Variants in MGAM2 observed in about 807,000 individuals in gnomAD.
MGAM2 encodes the protein probable maltase-glucoamylase 2.
A neutral mutation model predicts 96.1 loss-of-function variants in MGAM2; 98 were observed. That is an observed-to-expected ratio of 1.02 (90% CI 0.87 to 1.21). The LOEUF is 1.21. MGAM2 is among the 50% of genes most tolerant of loss of function. The pLI is 0.00. For synonymous variants in MGAM2, 749 were observed against 414.8 expected (o/e 1.81, Z -9.79); for missense variants, 2,055 against 1,182.4 (o/e 1.74, Z -10.82).
intron 3 of MGAM2, among the ~76,000 whole-genome samples, chr7:142,124,257 C>A (rs951756223): frequency 3.3e-5 from 5 of 152,170 alleles, no homozygotes; most frequent in African/African-American, 1.2e-4. Flanking sequence ...CAGGCATGAG[C>A]CACCACACCT....
At chr7:142,136,222 A>G (rs967835187) in intron 7 of MGAM2, among the ~76,000 whole-genome samples, 2 of 152,208 alleles carry the variant, frequency 1.3e-5, no homozygotes, top group African/African-American at 2.4e-5. Context: ...TAGATATTTC[A>G]TATCAATGAA....
intron 22 of MGAM2, among the ~76,000 whole-genome samples, chr7:142,161,423 T>G (rs1795884617): frequency 6.6e-6 from 1 of 152,234 alleles, no homozygotes; most frequent in African/African-American, 2.4e-5. Flanking sequence ...TATGTGTTAC[T>G]GACTCTACCA....
chr7:142,193,423 T>A (rs1368286346), intron 37 of MGAM2, among the ~76,000 whole-genome samples: 2 of 152,060 alleles, frequency 1.3e-5, no homozygotes, highest in African/African-American at 4.8e-5. Context: ...ACTGAACCAT[T>A]TTTATTTCTT....
At chr7:142,114,220 A>AAGAG (rs1817305539) in intron 1 of MGAM2, among the ~76,000 whole-genome samples, 10 of 131,842 alleles carry the variant, frequency 7.6e-5, no homozygotes, top group Non-Finnish European at 1.7e-5. Context: ...GAAAGAGAGA[A>AAGAG]AGAAAGAAAG....
intron 37 of MGAM2, among the ~76,000 whole-genome samples, chr7:142,193,181 C>A (rs1308389402): frequency 2.6e-5 from 4 of 152,112 alleles, no homozygotes; most frequent in Non-Finnish European, 5.9e-5. Context: ...TCTCCCTTTA[C>A]CAATCACAAA....
At position 142,147,492 on chromosome 7, in the gene MGAM2, G is replaced by T; in HGVS notation, c.1553G>T (p.Cys518Phe). 1 of 702,812 alleles carries T rather than the reference G, an allele frequency of 1.4e-6. No individual in the cohort carries two copies. The highest frequency in any genetic ancestry group is 1.5e-5 in the South Asian group (1 of 67,574). 43.5% of individuals were successfully genotyped at this position (702,812 alleles called of 1,614,324 possible). A position where few individuals can be genotyped will look rare whatever the true frequency, so the allele number is the denominator to read the frequency against. Residue 518 changes from cysteine to phenylalanine, a missense_variant, in exon 15 of 48, where the codon TGC (cysteine) becomes TTC (phenylalanine). Transcript: ENST00000477922. Reference protein sequence around the residue: ...LDHLLFARTLCMDTEFHGGLH... With the variant: ...LDHLLFARTLFMDTEFHGGLH... Reference sequence around the variant, plus strand: ...CACTTACTTTTTGCAAGAACTCTCTGCATGGACACGGAGTTTCATGGGGGC... The same window carrying T: ...CACTTACTTTTTGCAAGAACTCTCTTCATGGACACGGAGTTTCATGGGGGC...
intron 7 of MGAM2, among the ~76,000 whole-genome samples, chr7:142,135,723 TAC>T (rs144830276): frequency 0.033 from 4,776 of 144,698 alleles, 93 homozygotes; most frequent in Middle Eastern, 0.089. Flanking sequence ...CACTTAGAGT[TAC>T]ACACACACAC....
At chr7:142,190,238 C>T (rs1367231730) in intron 37 of MGAM2, among the ~76,000 whole-genome samples, 2 of 142,858 alleles carry the variant, frequency 1.4e-5, no homozygotes, top group South Asian at 4.6e-4. Context: ...AAATATCAAG[C>T]TGTTTTCTAA....
intron 46 of MGAM2, among the ~76,000 whole-genome samples, chr7:142,215,774 A>C (rs1338554434): frequency 1.3e-5 from 2 of 151,934 alleles, no homozygotes; most frequent in Non-Finnish European, 2.9e-5. Flanking sequence ...AAAAAAAAAA[A>C]AAACCTCATG....
intron 21 of MGAM2, among the ~76,000 whole-genome samples, chr7:142,160,906 T>C (rs1260606114): frequency 2.0e-5 from 3 of 152,180 alleles, no homozygotes; most frequent in Non-Finnish European, 4.4e-5. Flanking sequence ...AACAGTTGCC[T>C]GTAGGAACTG....
chr7:142,221,483 C>G lies in MGAM2; in HGVS notation c.6972C>G (p.Phe2324Leu). 1 of 560,130 alleles carries G rather than the reference C, an allele frequency of 1.8e-6. No homozygotes were observed. The highest frequency in any genetic ancestry group is 3.1e-6 in the Non-Finnish European group (1 of 318,016). 34.7% of individuals were successfully genotyped at this position (560,130 alleles called of 1,614,324 possible). ...GCATGTTTCCAACAAGTAATACATT[C>G]ACTACTGATAAAATTACTAATTTTA... ...ILSMFPTSNT[F>L]TTDKITNFTT... is the part of the protein sequence containing the mutation. The change falls in exon 48 of 48, where the codon TTC becomes TTG. Residue 2324 changes from phenylalanine to leucine, a missense_variant. By Grantham distance (22) the Phe-to-Leu change is conservative. Coordinates refer to ENST00000477922, the MANE Select transcript of MGAM2 (RefSeq NM_001293626.2).
intron 15 of MGAM2, among the ~76,000 whole-genome samples, chr7:142,149,178 G>T (rs1214844247): frequency 6.6e-6 from 1 of 151,340 alleles, no homozygotes; most frequent in African/African-American, 2.4e-5. Flanking sequence ...GCAGTGAGCC[G>T]AGATCACGCT....
In MGAM2 at chr7:142,167,477, G is replaced by T; in HGVS notation, c.3018G>T (p.Leu1006=). The change falls in exon 26 of 48, where the codon CTG becomes CTT. Residue 1006 remains leucine (L), a synonymous_variant. Transcript: ENST00000477922. The part of the protein sequence containing the change: ...LKVIYHTATM[L]QVKIYDPTNK... Reference sequence around the variant, plus strand: ...TGATCTATCACACAGCAACCATGCTGCAGGTCAAGGTAAGGCCCATGTTGC... The same window carrying T: ...TGATCTATCACACAGCAACCATGCTTCAGGTCAAGGTAAGGCCCATGTTGC... 1.4e-6 allele frequency: 1 copy of T among 703,024 alleles called. No homozygotes were observed. Among genetic ancestry groups the T allele is most frequent in the South Asian group, 1.5e-5 (1 of 67,604 alleles). 43.5% of individuals were successfully genotyped at this position (703,024 alleles called of 1,614,324 possible). A position where few individuals can be genotyped will look rare whatever the true frequency, so the allele number is the denominator to read the frequency against.
At chr7:142,149,606 T>A (rs1029509573) in intron 15 of MGAM2, among the ~76,000 whole-genome samples, 1 of 152,110 alleles carries the variant, frequency 6.6e-6, no homozygotes, top group East Asian at 2.0e-4. Flanking sequence ...AGTGGTGCGA[T>A]CTCGGCTCAC....
At chr7:142,190,147 A>G (rs1434339653) in intron 37 of MGAM2, among the ~76,000 whole-genome samples, 1 of 151,884 alleles carries the variant, frequency 6.6e-6, no homozygotes, top group East Asian at 1.9e-4. Flanking sequence ...TTTGGAGTAG[A>G]CATGTTTTCT....
rs557125967 is a variant in MGAM2 at position 142,218,394 on chromosome 7, T to C, written c.5221T>C (p.Tyr1741His). 197 of 702,248 alleles carry C rather than the reference T, an allele frequency of 2.8e-4. 1 individual carries two copies. The African/African-American group carries it at 3.0e-3, about 11-fold the overall frequency. The allele number at this position is 702,248 out of a possible 1,614,324, so 43.5% of individuals were successfully genotyped here. ...GCAAATCCAGACCATACACAATAAGTATTTGAGTGACTCGAATCCACTAAA... is the reference window on the plus strand; with the variant it reads ...GCAAATCCAGACCATACACAATAAGCATTTGAGTGACTCGAATCCACTAAA... ...ILQIQTIHNK[Y>H]LSDSNPLKVG... The change falls in exon 47 of 48, where the codon TAT becomes CAT. Residue 1741 changes from tyrosine to histidine, a missense_variant. Transcript: ENST00000477922.
intron 45 of MGAM2, among the ~76,000 whole-genome samples, chr7:142,200,254 T>C (rs540511201): frequency 6.6e-6 from 1 of 152,222 alleles, no homozygotes; most frequent in African/African-American, 2.4e-5. Flanking sequence ...TAAAAAGAAG[T>C]GTGGATGCAA....
chr7:142,117,315 C>T (rs1387143828), intron 2 of MGAM2, among the ~76,000 whole-genome samples: 1 of 151,982 alleles, frequency 6.6e-6, no homozygotes, highest in Admixed American at 6.6e-5. Flanking sequence ...CAGTGCCCAG[C>T]CCCATTATAT....
chr7:142,198,756 A>T lies in MGAM2; in HGVS notation c.5048+17A>T, dbSNP rs1237204878. 1.4e-6 allele frequency: 1 copy of T among 702,508 alleles called. No individual in the cohort carries two copies. Among genetic ancestry groups the T allele is most frequent in the Non-Finnish European group, 2.6e-6 (1 of 384,516 alleles). 43.5% of individuals were successfully genotyped at this position (702,508 alleles called of 1,614,324 possible). A position where few individuals can be genotyped will look rare whatever the true frequency, so the allele number is the denominator to read the frequency against. On this transcript the variant is annotated intron_variant, in intron 44 of 47. Coordinates refer to ENST00000477922, the MANE Select transcript of MGAM2 (RefSeq NM_001293626.2). The stretch of plus-strand genomic sequence containing the variant: ...TCACTCCAGGTGAGGAGAAGAGGCA[A>T]TGTCTAACAGCCTCTTGCTATACCG...
Sources: gnomAD v4.1 joint callset for allele counts (sites outside exome capture counted in the v4.1 genomes callset) on GRCh38, gnomAD v4.1.1 for gene constraint, MANE v1.5 for transcripts, NCBI Gene and HGNC (gene_info 2026-07-23, HGNC 2026-07-21) for gene names.